Variants in FAAH2 observed in about 807,000 individuals in gnomAD.
FAAH2 encodes the protein fatty acid amide hydrolase 2.
FAAH2 carries 60 observed loss-of-function variants against 36.9 expected under a neutral mutation model. The ratio of observed to expected loss-of-function variants is 1.63; its 90% CI spans 1.32 to 2.02. The LOEUF is 2.02. FAAH2 is among the 30% of genes most tolerant of loss of function. FAAH2 has a pLI of 0.00. For synonymous variants in FAAH2, 214 were observed against 143.8 expected (o/e 1.49, Z -3.49); for missense variants, 689 against 397.5 (o/e 1.73, Z -6.23).
At chrX:57,373,613 T>A (rs1391678794) in intron 5 of FAAH2, among the ~76,000 whole-genome samples, 2 of 111,493 alleles carry the variant, frequency 1.8e-5, no homozygotes, top group African/African-American at 6.5e-5. Context: ...TTTCTAGATT[T>A]TGGATATTAG....
chrX:57,396,868 C>A (rs2055315846), intron 7 of FAAH2, among the ~76,000 whole-genome samples: 1 of 111,290 alleles, frequency 9.0e-6, no homozygotes, highest in Non-Finnish European at 1.9e-5. Flanking sequence ...GGTCTGGGTC[C>A]AATTTAAGTC....
chrX:57,440,198 A>G lies in FAAH2; in HGVS notation c.1117-6730A>G, dbSNP rs756575142. On this transcript the variant is annotated intron_variant, in intron 8 of 10. Coordinates refer to ENST00000374900, the MANE Select transcript of FAAH2 (RefSeq NM_174912.4). ...TCTATAAATTACCTTGGGCAGTATG[A>G]CCATTTTCAAAATATTGATTCTTCC... Among the ~76,000 whole-genome samples the G allele has an allele frequency of 1.1e-4, 12 of 111,209 alleles. No homozygotes were observed. In the South Asian group the frequency reaches 4.5e-3, roughly 42 times the overall value.
chrX:57,199,756 G>T, the FAAH2 span, among the ~76,000 whole-genome samples: 1 of 111,191 alleles, frequency 9.0e-6, no homozygotes, highest in Non-Finnish European at 1.9e-5. Context: ...TTATATCTAG[G>T]TGCTCCAGCA....
chrX:57,307,765 T>A (rs1025359944), intron 2 of FAAH2, among the ~76,000 whole-genome samples: 9 of 110,699 alleles, frequency 8.1e-5, no homozygotes, highest in Non-Finnish European at 1.3e-4. Flanking sequence ...ATCCAACAGT[T>A]TTTCAAAACT....
At chrX:57,270,925 C>T in the FAAH2 span, among the ~76,000 whole-genome samples, 1 of 112,136 alleles carries the variant, frequency 8.9e-6, no homozygotes, top group Non-Finnish European at 1.9e-5. Context: ...GAACTAGCTG[C>T]AGGAGCTCTT....
intron 10 of FAAH2, among the ~76,000 whole-genome samples, chrX:57,471,431 A>C (rs906786797): frequency 8.9e-6 from 1 of 111,935 alleles, no homozygotes; most frequent in Non-Finnish European, 1.9e-5. Flanking sequence ...CAAAAATCAC[A>C]ATCATTCTTA....
At chrX:57,404,600 TG>T (rs2055521652) in intron 7 of FAAH2, among the ~76,000 whole-genome samples, 1 of 111,735 alleles carries the variant, frequency 8.9e-6, no homozygotes, top group East Asian at 2.8e-4. Flanking sequence ...CAAGACTCCC[TG>T]GGTTCATAGC....
chrX:57,343,490 T>C (rs1256708167), intron 5 of FAAH2, among the ~76,000 whole-genome samples: 1 of 111,922 alleles, frequency 8.9e-6, no homozygotes, highest in Non-Finnish European at 1.9e-5. Flanking sequence ...TGTTGATTTC[T>C]TTAAGTGCCT....
intron 5 of FAAH2, among the ~76,000 whole-genome samples, chrX:57,368,072 T>C (rs1219650332): frequency 1.8e-5 from 2 of 111,050 alleles, no homozygotes; most frequent in African/African-American, 6.5e-5. Flanking sequence ...TCAGCCAAAC[T>C]ATTATGGGTC....
chrX:57,241,583 G>A, the FAAH2 span, among the ~76,000 whole-genome samples: 14 of 111,483 alleles, frequency 1.3e-4, no homozygotes, highest in Admixed American at 1.2e-3. Flanking sequence ...CGGTACAGGT[G>A]GTTTCTGGTT....
intron 4 of FAAH2, among the ~76,000 whole-genome samples, chrX:57,337,618 A>G (rs1012197810): frequency 1.9e-4 from 21 of 112,347 alleles, no homozygotes; most frequent in Non-Finnish European, 2.8e-4. Flanking sequence ...AAATCAATAA[A>G]TGTCATTTGT....
intron 10 of FAAH2, among the ~76,000 whole-genome samples, chrX:57,480,868 G>T (rs906623255): frequency 9.1e-6 from 1 of 110,411 alleles, no homozygotes; most frequent in African/African-American, 3.3e-5. Context: ...CACCCTCAGG[G>T]ACCCCAGTCG....
At chrX:57,261,051 A>G in the FAAH2 span, among the ~76,000 whole-genome samples, 1 of 111,831 alleles carries the variant, frequency 8.9e-6, no homozygotes, top group African/African-American at 3.2e-5. Flanking sequence ...TTTCTAAAAT[A>G]TAATAAAGCT....
At chrX:57,353,215 A>T (rs955393355) in intron 5 of FAAH2, among the ~76,000 whole-genome samples, 1 of 110,298 alleles carries the variant, frequency 9.1e-6, no homozygotes, top group African/African-American at 3.3e-5. Flanking sequence ...GGCGACAGTA[A>T]GCAAAACAAC....
intron 8 of FAAH2, among the ~76,000 whole-genome samples, chrX:57,443,456 C>T (rs1412910654): frequency 9.0e-6 from 1 of 111,690 alleles, no homozygotes; most frequent in Non-Finnish European, 1.9e-5. Context: ...TTTTCAGCTC[C>T]ATGAGGTCAT....
intron 5 of FAAH2, among the ~76,000 whole-genome samples, chrX:57,350,589 T>C: frequency 9.0e-6 from 1 of 111,155 alleles, no homozygotes; most frequent in East Asian, 2.8e-4. Flanking sequence ...AAAAACGATC[T>C]AACCAAATTC....
the FAAH2 span, among the ~76,000 whole-genome samples, chrX:57,184,394 C>G: frequency 8.9e-6 from 1 of 112,103 alleles, no homozygotes; most frequent in Non-Finnish European, 1.9e-5. Context: ...CACAGTCCTA[C>G]CGATATGTAT....
At chrX:57,191,349 C>T in the FAAH2 span, among the ~76,000 whole-genome samples, 1 of 111,417 alleles carries the variant, frequency 9.0e-6, no homozygotes, top group African/African-American at 3.3e-5. Context: ...ATATTCTTTC[C>T]TATATGATTG....
At chrX:57,126,045 TA>T in the FAAH2 span, among the ~76,000 whole-genome samples, 10 of 112,336 alleles carry the variant, frequency 8.9e-5, no homozygotes, top group Non-Finnish European at 1.9e-4. Flanking sequence ...GAAATATGTT[TA>T]AAAAAGAGGC....
Sources: allele counts gnomAD v4.1 joint callset (sites outside exome capture counted in the v4.1 genomes callset), GRCh38; gene constraint gnomAD v4.1.1; transcripts MANE v1.5; gene names NCBI Gene and HGNC (gene_info 2026-07-23, HGNC 2026-07-21).